Variants in ALCAM observed in about 807,000 individuals in gnomAD.
ALCAM encodes activated leukocyte cell adhesion molecule, also known as CD166 antigen.
Under a neutral mutation model 70.9 loss-of-function variants are expected in ALCAM, and 30 were observed. The observed-to-expected ratio is 0.42, with a 90% CI of 0.32 to 0.57. ALCAM has a LOEUF of 0.57. Among genes scored for constraint, ALCAM ranks in the 20% least tolerant of loss-of-function variants. The probability of loss-of-function intolerance (pLI) is 0.11; values close to 1 mark genes in which losing one functional copy is unlikely to be tolerated. For missense variants in ALCAM, 591 were observed against 695.1 expected (o/e 0.85, Z 1.68); for synonymous variants, 249 against 242.5 (o/e 1.03, Z -0.25).
At chr3:105,496,404 T>C (rs892009268) in intron 1 of ALCAM, among the ~76,000 whole-genome samples, 1 of 152,146 alleles carries the variant, frequency 6.6e-6, no homozygotes, top group African/African-American at 2.4e-5. Flanking sequence ...GCTTCTTATT[T>C]TGTAGTGTGC....
chr3:105,384,819 T>C (rs761790834), intron 1 of ALCAM, among the ~76,000 whole-genome samples: 10 of 151,586 alleles, frequency 6.6e-5, no homozygotes, highest in Non-Finnish European at 1.3e-4. Context: ...TAATCTCACT[T>C]TCAGCCTTTT....
intron 1 of ALCAM, among the ~76,000 whole-genome samples, chr3:105,484,898 C>A (rs1268618217): frequency 6.6e-6 from 1 of 152,034 alleles, no homozygotes; most frequent in Non-Finnish European, 1.5e-5. Context: ...AAAGCAAATA[C>A]TTTTCACTGA....
chr3:105,431,012 A>T (rs1223343332), intron 1 of ALCAM, among the ~76,000 whole-genome samples: 1 of 152,078 alleles, frequency 6.6e-6, no homozygotes, highest in Non-Finnish European at 1.5e-5. Flanking sequence ...GTAGACGTTA[A>T]TGGTAATTTA....
rs1212312350 is a variant in ALCAM, at chr3:105,501,756, A to T, written c.74-18311A>T. On this transcript the variant is annotated intron_variant, in intron 1 of 15. Coordinates refer to ENST00000306107, the MANE Select transcript of ALCAM (RefSeq NM_001627.4). ...CTATGCCTGAATCAGAATTTCCTGC[A>T]TGCAGCATGGCTTCTAAGCTCACAA... Among the ~76,000 whole-genome samples the T allele has an allele frequency of 2.0e-5, 3 of 152,216 alleles. No homozygotes were observed. In the East Asian group the frequency reaches 5.8e-4, roughly 29 times the overall value.
Position 105,432,905 on chromosome 3 carries a change from G to T in ALCAM, c.73+65424G>T, listed in dbSNP as rs535627592. 3.9e-5 allele frequency among the ~76,000 whole-genome samples: 6 copies of T among 152,122 alleles called. No homozygotes were observed. In the East Asian group the frequency reaches 9.7e-4, roughly 25 times the overall value. On this transcript the variant is annotated intron_variant, in intron 1 of 15. Coordinates refer to ENST00000306107, the MANE Select transcript of ALCAM (RefSeq NM_001627.4). ...TTGTTCTAATCATATTCTGTGAAAC[G>T]TAACAGGAGCATATATTAACCAGCT...
chr3:105,451,559 G>C (rs925640709), intron 1 of ALCAM, among the ~76,000 whole-genome samples: 1 of 151,892 alleles, frequency 6.6e-6, no homozygotes, highest in African/African-American at 2.4e-5. Context: ...CAAAAAGAAA[G>C]CAGGTCTACA....
intron 1 of ALCAM, among the ~76,000 whole-genome samples, chr3:105,391,922 G>A (rs1437848757): frequency 1.3e-5 from 2 of 151,980 alleles, no homozygotes; most frequent in East Asian, 3.9e-4. Context: ...TGGGGATGAA[G>A]CCAACTTGAT....
intron 14 of ALCAM, among the ~76,000 whole-genome samples, chr3:105,566,307 T>A (rs909647838): frequency 3.3e-5 from 5 of 152,220 alleles, no homozygotes; most frequent in African/African-American, 1.2e-4. Context: ...TGATATCGAA[T>A]CATTCAATAA....
intron 14 of ALCAM, among the ~76,000 whole-genome samples, chr3:105,570,286 A>G (rs779577078): frequency 6.6e-6 from 1 of 152,210 alleles, no homozygotes; most frequent in Non-Finnish European, 1.5e-5. Flanking sequence ...CTCAAAAGAG[A>G]TAAAAGGAGT....
chr3:105,393,975 G>A (rs1055508551), intron 1 of ALCAM, among the ~76,000 whole-genome samples: 3 of 151,810 alleles, frequency 2.0e-5, no homozygotes, highest in Non-Finnish European at 2.9e-5. Context: ...ATTTGGAAAA[G>A]CAGTCAGTAA....
chr3:105,564,724 G>A (rs1940706844), intron 14 of ALCAM, among the ~76,000 whole-genome samples: 2 of 152,182 alleles, frequency 1.3e-5, no homozygotes, highest in African/African-American at 2.4e-5. Flanking sequence ...TTGGCCAGGT[G>A]TGGTAATGCA....
At position 105,367,326 on chromosome 3, in the gene ALCAM, C is replaced by G. The variant is rs1576112158; in HGVS notation, c.-83C>G. 1 of 1,451,130 alleles carries G rather than the reference C, an allele frequency of 6.9e-7. No individual in the cohort carries two copies. The highest frequency in any genetic ancestry group is 1.2e-5 in the South Asian group (1 of 84,988). The allele number at this position is 1,451,130 out of a possible 1,614,324, so 89.9% of individuals were successfully genotyped here. ...CTGCCCCTGCGTCGGGACCCGCCAG[C>G]GCGCGGGCACCGCGGGGCCCGGGAC... On this transcript the variant is annotated 5_prime_UTR_variant, in exon 1 of 16. Transcript: ENST00000306107.
At chr3:105,421,120 T>C (rs1449025712) in intron 1 of ALCAM, among the ~76,000 whole-genome samples, 1 of 151,510 alleles carries the variant, frequency 6.6e-6, no homozygotes, top group Non-Finnish European at 1.5e-5. Context: ...TTATACTACT[T>C]TTTTAATAGT....
At chr3:105,449,993 C>A (rs1937388741) in intron 1 of ALCAM, among the ~76,000 whole-genome samples, 1 of 152,134 alleles carries the variant, frequency 6.6e-6, no homozygotes, top group Non-Finnish European at 1.5e-5. Flanking sequence ...CTCTTACTAA[C>A]AAAGGAAGCA....
At chr3:105,564,477 C>T (rs1244313216) in intron 14 of ALCAM, among the ~76,000 whole-genome samples, 1 of 152,096 alleles carries the variant, frequency 6.6e-6, no homozygotes, top group Non-Finnish European at 1.5e-5. Flanking sequence ...GGATCTGAAC[C>T]TTTGTCTATC....
intron 14 of ALCAM, among the ~76,000 whole-genome samples, chr3:105,561,285 G>A (rs1046437768): frequency 2.0e-5 from 3 of 152,012 alleles, no homozygotes; most frequent in Non-Finnish European, 4.4e-5. Flanking sequence ...TCGTTGTTTT[G>A]TGGATTCCTA....
intron 1 of ALCAM, among the ~76,000 whole-genome samples, chr3:105,375,102 T>G (rs181774608): frequency 4.4e-4 from 67 of 152,322 alleles, no homozygotes; most frequent in African/African-American, 1.5e-3. Flanking sequence ...TGGTGTCATT[T>G]GTTGTCAACT....
chr3:105,549,811 A>G (rs1940348233), intron 11 of ALCAM, among the ~76,000 whole-genome samples: 1 of 151,454 alleles, frequency 6.6e-6, no homozygotes, highest in Admixed American at 6.6e-5. Flanking sequence ...TTAAATAGTC[A>G]CCAATTAATT....
rs776220454 is a variant in ALCAM at position 105,540,082 on chromosome 3, G to A, written c.838G>A (p.Glu280Lys). 5.0e-6 allele frequency: 8 copies of A among 1,611,618 alleles called. No individual in the cohort carries two copies. Among genetic ancestry groups the A allele is most frequent in the Non-Finnish European group, 6.8e-6 (8 of 1,178,426 alleles). ...CLGNGNPPPE[E>K]FLFYLPGQPE... ...AGGGAATGGCAACCCTCCCCCAGAG[G>A]AATTTTTGTTTTACTTACCAGTAAG... Residue 280 changes from glutamate (E) to lysine (K), a missense_variant, in exon 7 of 16, where the codon GAA becomes AAA. Physicochemically the swap from Glu to Lys is moderately conservative, Grantham distance 56 (BLOSUM62 1). Coordinates refer to ENST00000306107, the MANE Select transcript of ALCAM (RefSeq NM_001627.4).
Sources: allele counts gnomAD v4.1 joint callset (sites outside exome capture counted in the v4.1 genomes callset), GRCh38; gene constraint gnomAD v4.1.1; transcripts MANE v1.5; gene names NCBI Gene and HGNC (gene_info 2026-07-23, HGNC 2026-07-21).